The following FBXW11 variants were observed in gnomAD, a reference collection of about 807,000 sequenced individuals.
FBXW11 encodes the protein F-box and WD repeat domain containing 11.
FBXW11 carries 19 observed loss-of-function variants against 77.6 expected under a neutral mutation model. The observed-to-expected ratio is 0.24, with a 90% CI of 0.17 to 0.36. FBXW11 has a LOEUF of 0.36. Ranked by LOEUF, FBXW11 falls within the 10% of genes least tolerant of loss-of-function variation. FBXW11 has a pLI of 1.00. For synonymous variants in FBXW11, 235 were observed against 249.4 expected, an observed-to-expected ratio of 0.94 and a Z score of 0.54; for missense variants, 334 against 704.2, an observed-to-expected ratio of 0.47 and a Z score of 5.95.
Position 171,899,973 on chromosome 5 carries a change from C to T in FBXW11, c.564G>A (p.Leu188=). 6.2e-7 allele frequency: 1 copy of T among 1,613,828 alleles called. No homozygotes were observed. The highest frequency in any genetic ancestry group is 8.5e-7 in the Non-Finnish European group (1 of 1,179,790). Residue 188 remains leucine, a synonymous_variant, in exon 5 of 14, where the codon CTG becomes CTA. Coordinates refer to ENST00000517395, the MANE Select transcript of FBXW11 (RefSeq NM_001378974.1). The stretch of plus-strand genomic sequence containing the variant: ...GATCAGTGCGTACCATTCGTTCAAT[C>T]AGCTTCTTCCAAAGCATTCCTTCTG... ...VISEGMLWKK[L]IERMVRTDPL...
intron 7 of FBXW11, among the ~76,000 whole-genome samples, chr5:171,878,689 C>G (rs1314195270): frequency 6.6e-6 from 1 of 150,864 alleles, no homozygotes; most frequent in Non-Finnish European, 1.5e-5. Flanking sequence ...ACTCAGGAGG[C>G]TGAGGTGACA....
intron 9 of FBXW11, among the ~76,000 whole-genome samples, chr5:171,874,401 T>C (rs1043567274): frequency 2.0e-5 from 3 of 152,218 alleles, no homozygotes; most frequent in Non-Finnish European, 4.4e-5. Context: ...TCCATGCTGA[T>C]ATTATGAAAC....
intron 2 of FBXW11, among the ~76,000 whole-genome samples, chr5:171,940,194 G>A (rs1193796160): frequency 6.6e-6 from 1 of 152,144 alleles, no homozygotes; most frequent in East Asian, 1.9e-4. Context: ...GAAAACCGGA[G>A]TCAGGTTTCT....
chr5:171,941,993 T>C (rs573607390), intron 2 of FBXW11, among the ~76,000 whole-genome samples: 22 of 151,504 alleles, frequency 1.5e-4, no homozygotes, highest in South Asian at 1.3e-3. Flanking sequence ...TGTTAGGTAA[T>C]AATTAATGTA....
At chr5:171,988,001 C>T (rs1007419389) in intron 1 of FBXW11, among the ~76,000 whole-genome samples, 4 of 152,110 alleles carry the variant, frequency 2.6e-5, no homozygotes, top group Non-Finnish European at 4.4e-5. Flanking sequence ...ATTTAAGTAA[C>T]AATGTGTATC....
intron 7 of FBXW11, among the ~76,000 whole-genome samples, chr5:171,881,333 C>T (rs568071447): frequency 2.6e-5 from 4 of 152,206 alleles, no homozygotes; most frequent in East Asian, 3.9e-4. Context: ...CTGTGTGTGA[C>T]GTTAGCTATA....
intron 2 of FBXW11, among the ~76,000 whole-genome samples, chr5:171,918,452 T>C (rs760841866): frequency 6.6e-6 from 1 of 152,228 alleles, no homozygotes; most frequent in Non-Finnish European, 1.5e-5. Context: ...GGTCATTTCC[T>C]ATATCCAAAC....
intron 2 of FBXW11, among the ~76,000 whole-genome samples, chr5:171,920,019 G>C (rs1761493934): frequency 6.6e-6 from 1 of 152,118 alleles, no homozygotes; most frequent in African/African-American, 2.4e-5. Flanking sequence ...AGCCAGGCAT[G>C]GTGGCACATG....
rs141631176 is a variant in FBXW11, at chr5:171,902,523, T to A, written c.437-2423A>T. Among the ~76,000 whole-genome samples, 34 of 152,296 alleles carry A rather than the reference T, an allele frequency of 2.2e-4. No individual in the cohort carries two copies. In the East Asian group the frequency reaches 6.4e-3, roughly 29 times the overall value. ...AATCTTTTCAGAGGCTGATTAGCCT[T>A]TGAAACTCATCTAAGAATTCTGCTA... On this transcript the variant is annotated intron_variant, in intron 4 of 13. Coordinates refer to ENST00000517395, the MANE Select transcript of FBXW11 (RefSeq NM_001378974.1).
intron 2 of FBXW11, among the ~76,000 whole-genome samples, chr5:171,923,078 C>T (rs764779921): frequency 9.9e-5 from 15 of 152,034 alleles, no homozygotes; most frequent in Non-Finnish European, 2.2e-4. Flanking sequence ...CCATGCCCGG[C>T]TAATTTTGTA....
intron 2 of FBXW11, among the ~76,000 whole-genome samples, chr5:171,919,931 G>A (rs1057455250): frequency 1.3e-5 from 2 of 152,084 alleles, no homozygotes; most frequent in African/African-American, 2.4e-5. Flanking sequence ...TGAAGTGGGC[G>A]GATCACTTGA....
intron 1 of FBXW11, among the ~76,000 whole-genome samples, chr5:171,967,269 T>C (rs1439927732): frequency 2.6e-5 from 4 of 152,148 alleles, no homozygotes; most frequent in African/African-American, 7.2e-5. Flanking sequence ...TCCAAAAATA[T>C]AGCCAAGAAG....
intron 1 of FBXW11, among the ~76,000 whole-genome samples, chr5:171,982,104 G>A (rs1235662231): frequency 6.6e-6 from 1 of 152,036 alleles, no homozygotes; most frequent in Non-Finnish European, 1.5e-5. Flanking sequence ...GGTTATGTGA[G>A]TATATATATT....
At chr5:171,977,690 G>C (rs537559347) in intron 1 of FBXW11, 7 of 441,900 alleles carry the variant, frequency 1.6e-5, no homozygotes, top group African/African-American at 1.0e-4. Context: ...AGGAGGAGCA[G>C]GTCACATCTT....
At chr5:171,994,759 A>C (rs1314712389) in intron 1 of FBXW11, among the ~76,000 whole-genome samples, 1 of 152,168 alleles carries the variant, frequency 6.6e-6, no homozygotes, top group African/African-American at 2.4e-5. Flanking sequence ...CAGAAGACAA[A>C]GTGAAAAATG....
chr5:171,966,621 TCTGAA>T (rs1311300427), intron 1 of FBXW11, among the ~76,000 whole-genome samples: 1 of 152,088 alleles, frequency 6.6e-6, no homozygotes, highest in Non-Finnish European at 1.5e-5. Flanking sequence ...GTTAAATCAG[TCTGAA>T]CCCAATCCCA....
intron 1 of FBXW11, among the ~76,000 whole-genome samples, chr5:171,980,858 G>T (rs909028293): frequency 1.3e-5 from 2 of 152,118 alleles, no homozygotes; most frequent in Non-Finnish European, 2.9e-5. Context: ...GCACAAAAGC[G>T]AAAATTCTTG....
chr5:171,927,328 T>A (rs955048690), intron 2 of FBXW11, among the ~76,000 whole-genome samples: 4 of 152,144 alleles, frequency 2.6e-5, no homozygotes, highest in Non-Finnish European at 5.9e-5. Flanking sequence ...CTCAATTCTT[T>A]CAAAGGAACT....
At chr5:171,916,236 A>C (rs1581196959) in intron 2 of FBXW11, among the ~76,000 whole-genome samples, 1 of 118,750 alleles carries the variant, frequency 8.4e-6, no homozygotes, top group South Asian at 3.4e-4. Flanking sequence ...CTTAAAGTAT[A>C]ATTTAAAAAA....
Sources: allele counts gnomAD v4.1 joint callset (sites outside exome capture counted in the v4.1 genomes callset), GRCh38; gene constraint gnomAD v4.1.1; transcripts MANE v1.5; gene names NCBI Gene and HGNC (gene_info 2026-07-23, HGNC 2026-07-21).